MEGF8: variants seen among roughly 807,000 people sequenced by gnomAD.
MEGF8 encodes the protein multiple epidermal growth factor-like domains protein 8.
Under a neutral mutation model 302.9 loss-of-function variants are expected in MEGF8, and 156 were observed. The ratio of observed to expected loss-of-function variants is 0.52; its 90% CI spans 0.45 to 0.59. The LOEUF is 0.59. Ranked by LOEUF, MEGF8 falls within the 20% of genes least tolerant of loss-of-function variation. MEGF8 has a pLI of 0.00. For synonymous variants in MEGF8, 1,621 were observed against 1,660.5 expected (o/e 0.98, Z 0.58); for missense variants, 3,345 against 3,964.5 (o/e 0.84, Z 4.20).
Position 42,335,391 on chromosome 19 carries a change from G to C in MEGF8, c.828+6G>C. The C allele has an allele frequency of 2.5e-6, 4 of 1,613,686 alleles. No homozygotes were observed. Among genetic ancestry groups the C allele is most frequent in the Non-Finnish European group, 2.5e-6 (3 of 1,179,648 alleles). On this transcript the variant is annotated splice_donor_region_variant and intron_variant, in intron 5 of 41. Transcript: ENST00000251268. ...GGGACCTGAGTCCTGCCCCGGTATG[G>C]ACCCCTCCTCTGCCCTGGAGGAGCC...
intron 41 of MEGF8, among the ~76,000 whole-genome samples, chr19:42,372,223 C>A (rs921518160): frequency 2.0e-5 from 3 of 152,332 alleles, no homozygotes; most frequent in Non-Finnish European, 4.4e-5. Context: ...ACTCTGCTTT[C>A]CTCTGCATTG....
rs1341047940 is a variant in MEGF8 at position 42,355,985 on chromosome 19, G to A, written c.4372G>A (p.Gly1458Arg). Residue 1458 changes from glycine to arginine, a missense_variant, in exon 24 of 42, where the codon GGG becomes AGG. Gly to Arg is a moderately radical substitution (Grantham distance 125). Transcript: ENST00000251268. ...TCCTGAGAACTGCAATGCCCACACT[G>A]GGGCAGGAACTTGTAACCAGGTACA... ...LCPENCNAHTGAGTCNQSLGV... is the reference protein window; with the variant it reads ...LCPENCNAHTRAGTCNQSLGV... The A allele has an allele frequency of 6.2e-7, 1 of 1,611,952 alleles. No individual in the cohort carries two copies. Among genetic ancestry groups the A allele is most frequent in the Non-Finnish European group, 8.5e-7 (1 of 1,178,988 alleles).
At chr19:42,341,762 T>C (rs996587621) in intron 8 of MEGF8, among the ~76,000 whole-genome samples, 2 of 152,160 alleles carry the variant, frequency 1.3e-5, no homozygotes, top group Non-Finnish European at 2.9e-5. Context: ...GTCTTTCTTA[T>C]AGCAGTTAGG....
Position 42,356,502 on chromosome 19 carries a change from C to A in MEGF8, c.4622+49C>A. On this transcript the variant is annotated intron_variant, in intron 26 of 41. Coordinates refer to ENST00000251268, the MANE Select transcript of MEGF8 (RefSeq NM_001271938.2). This position sits in a 1 kb window ranked among gnomAD's most constrained non-coding sequence, Gnocchi z 5.2. ...GGATTCGCAAATAAGAGAAGGTCAC[C>A]TCGGGATGCTAAGAGTCACCTCAGA... 1.4e-6 allele frequency: 2 copies of A among 1,413,506 alleles called. No individual in the cohort carries two copies. The highest frequency in any genetic ancestry group is 4.8e-5 in the East Asian group (2 of 41,952). The allele number at this position is 1,413,506 out of a possible 1,614,324, so 87.6% of individuals were successfully genotyped here. A position where few individuals can be genotyped will look rare whatever the true frequency, so the allele number is the denominator to read the frequency against.
In MEGF8 at chr19:42,335,904, C is replaced by T. The variant is rs1450479854; in HGVS notation, c.829-27C>T. On this transcript the variant is annotated intron_variant, in intron 5 of 41. Coordinates refer to ENST00000251268, the MANE Select transcript of MEGF8 (RefSeq NM_001271938.2). ...CTCTGGCTCTCTTGCTGTGTCTCTA[C>T]CTCTGTCTCTTTTCTCTTCCTCACA... The T allele has an allele frequency of 2.8e-6, 4 of 1,449,344 alleles. No individual in the cohort carries two copies. The East Asian group carries it at 7.5e-5, about 27-fold the overall frequency. The allele number at this position is 1,449,344 out of a possible 1,614,324, so 89.8% of individuals were successfully genotyped here.
At position 42,376,117 on chromosome 19, in the gene MEGF8, C is replaced by T. The variant is rs746788380; in HGVS notation, c.7880C>T (p.Ala2627Val). ...GTGGGAGACCCAAGTGGGCCCGGCG[C>T]CAACGGCTCAGCCGACTCGCAGGGC... ...LGVGDPSGPG[A>V]NGSADSQGLL... The change falls in exon 42 of 42, where the codon GCC (alanine) becomes GTC (valine). Residue 2627 changes from alanine to valine, a missense_variant. Coordinates refer to ENST00000251268, the MANE Select transcript of MEGF8 (RefSeq NM_001271938.2). The surrounding 1 kb of genome is among the most constrained non-coding windows in gnomAD (Gnocchi z 8.2). 5.6e-6 allele frequency: 9 copies of T among 1,607,526 alleles called. No individual in the cohort carries two copies. In the South Asian group the frequency reaches 8.8e-5, roughly 16 times the overall value.
At position 42,354,778 on chromosome 19, in the gene MEGF8, T is replaced by C; in HGVS notation, c.4144+58T>C. 2.0e-6 allele frequency: 3 copies of C among 1,528,784 alleles called. No individual in the cohort carries two copies. The highest frequency in any genetic ancestry group is 2.4e-5 in the South Asian group (2 of 81,784). 94.7% of individuals were successfully genotyped at this position (1,528,784 alleles called of 1,614,324 possible). A position where few individuals can be genotyped will look rare whatever the true frequency, so the allele number is the denominator to read the frequency against. On this transcript the variant is annotated intron_variant, in intron 23 of 41. Coordinates refer to ENST00000251268, the MANE Select transcript of MEGF8 (RefSeq NM_001271938.2). This position sits in a 1 kb window ranked among gnomAD's most constrained non-coding sequence, Gnocchi z 4.3. Reference sequence around the variant, plus strand: ...TCCTGGGCTATGTATCCCTTGCCCCTGAACTCACCACCTGAAGTGGGCTCA... The same window carrying C: ...TCCTGGGCTATGTATCCCTTGCCCCCGAACTCACCACCTGAAGTGGGCTCA...
In MEGF8 at chr19:42,362,149, G is replaced by A. The variant is rs559115816; in HGVS notation, c.5780G>A (p.Arg1927His). 24 of 1,611,848 alleles carry A rather than the reference G, an allele frequency of 1.5e-5. No individual in the cohort carries two copies. The highest frequency in any genetic ancestry group is 6.7e-5 in the East Asian group (3 of 44,834). Residue 1927 changes from arginine (R) to histidine (H), a missense_variant, in exon 33 of 42, where the codon CGT (arginine) becomes CAT (histidine). By Grantham distance (29) the Arg-to-His change is conservative. Transcript: ENST00000251268. ...CCTCGCTCCCCGGAGGAATGTCGAC[G>A]TCTCCGGACCTGCAGTGAGTGCCTG... The part of the protein sequence containing the change: ...PMPRSPEECR[R>H]LRTCSECLAR...
rs779996043 is a variant in MEGF8, at chr19:42,357,491, T to C, written c.4918T>C (p.Ser1640Pro). 6.2e-7 allele frequency: 1 copy of C among 1,613,672 alleles called. No homozygotes were observed. Among genetic ancestry groups the C allele is most frequent in the Non-Finnish European group, 8.5e-7 (1 of 1,179,776 alleles). ...GLSLLLVGGY[S>P]PENGFNQQLL... ...GTCTCTGCTCCTGGTGGGCGGTTAC[T>C]CCCCGGAAAATGGCTTCAACCAGCA... is the stretch of plus-strand genomic sequence containing the variant. Residue 1640 changes from serine to proline, a missense_variant, in exon 28 of 42, where the codon TCC becomes CCC. Physicochemically the swap from Ser to Pro is moderately conservative, Grantham distance 74 (BLOSUM62 -1). Transcript: ENST00000251268. The surrounding 1 kb of genome is among the most constrained non-coding windows in gnomAD (Gnocchi z 5.2).
Position 42,354,095 on chromosome 19 carries a change from C to G in MEGF8, c.4011+71C>G. ...TGTCCCCTGACCCAGCCTGCATCCTCAGACCCTGACCCTAGTATTGCTGTT... is the reference window on the plus strand; with the variant it reads ...TGTCCCCTGACCCAGCCTGCATCCTGAGACCCTGACCCTAGTATTGCTGTT... On this transcript the variant is annotated intron_variant, in intron 22 of 41. Coordinates refer to ENST00000251268, the MANE Select transcript of MEGF8 (RefSeq NM_001271938.2). This position sits in a 1 kb window ranked among gnomAD's most constrained non-coding sequence, Gnocchi z 4.3. The G allele has an allele frequency of 6.7e-7, 1 of 1,486,520 alleles. No individual in the cohort carries two copies. Among genetic ancestry groups the G allele is most frequent in the East Asian group, 2.5e-5 (1 of 40,610 alleles). 92.1% of individuals were successfully genotyped at this position (1,486,520 alleles called of 1,614,324 possible). A position where few individuals can be genotyped will look rare whatever the true frequency, so the allele number is the denominator to read the frequency against.
At position 42,349,739 on chromosome 19, in the gene MEGF8, C is replaced by T. The variant is rs764940315; in HGVS notation, c.2499+40C>T. 10 of 1,589,316 alleles carry T rather than the reference C, an allele frequency of 6.3e-6. No individual in the cohort carries two copies. The African/African-American group carries it at 6.7e-5, about 11-fold the overall frequency. On this transcript the variant is annotated intron_variant, in intron 14 of 41. Coordinates refer to ENST00000251268, the MANE Select transcript of MEGF8 (RefSeq NM_001271938.2). ...CCTACCTCCAACCCTAGCCGCAGGC[C>T]CCAGCCTCAGATCACCTGGGCTTTC...
At chr19:42,339,393 T>C (rs2039181209) in intron 8 of MEGF8, among the ~76,000 whole-genome samples, 1 of 152,220 alleles carries the variant, frequency 6.6e-6, no homozygotes, top group African/African-American at 2.4e-5. Context: ...TTTTTGACTT[T>C]TTGATAATAG....
chr19:42,371,623 C>A, intron 41 of MEGF8, 141 bp downstream of exon 41: 1 of 1,196,932 alleles, frequency 8.4e-7, no homozygotes, highest in Non-Finnish European at 1.2e-6. Flanking sequence ...GCTTGACAGA[C>A]TGTTCCTGAG....
At chr19:42,373,804 C>T (rs771986158) in intron 41 of MEGF8, among the ~76,000 whole-genome samples, 1 of 150,662 alleles carries the variant, frequency 6.6e-6, no homozygotes, top group Non-Finnish European at 1.5e-5. Context: ...CCTTGAACTC[C>T]TGAGCTCAAG....
chr19:42,371,757 C>T (rs142168826), intron 41 of MEGF8, among the ~76,000 whole-genome samples: 4 of 152,168 alleles, frequency 2.6e-5, no homozygotes, highest in Non-Finnish European at 5.9e-5. Flanking sequence ...GTGGCACATG[C>T]CAGAAAATCT....
In MEGF8 at chr19:42,354,641, T is replaced by C. The variant is rs61995685; in HGVS notation, c.4065T>C (p.Val1355=). The part of the protein sequence containing the change: ...DGFPRFLDTG[V]VQSDRSLIAA... Reference sequence around the variant, plus strand: ...TCCCACGCTTCCTGGACACTGGTGTTGTCCAGTCGGACCGCAGCCTCATAG... The same window carrying C: ...TCCCACGCTTCCTGGACACTGGTGTCGTCCAGTCGGACCGCAGCCTCATAG... The change falls in exon 23 of 42, where the codon GTT becomes GTC. Residue 1355 remains valine, a synonymous_variant. Transcript: ENST00000251268. The surrounding 1 kb of genome is among the most constrained non-coding windows in gnomAD (Gnocchi z 4.3). 94,461 of 1,612,914 alleles carry C rather than the reference T, an allele frequency of 0.059. 3,736 individuals are homozygous for C. The highest frequency in any genetic ancestry group is 0.17 in the Middle Eastern group (1,021 of 6,058).
chr19:42,364,950 A>G (rs2039583112), intron 35 of MEGF8, among the ~76,000 whole-genome samples: 2 of 152,240 alleles, frequency 1.3e-5, no homozygotes, highest in African/African-American at 4.8e-5. Flanking sequence ...TGTAATGAGC[A>G]GTGGTGAGAG....
Position 42,355,866 on chromosome 19 carries a change from C to T in MEGF8, c.4253C>T (p.Pro1418Leu). 1 of 1,571,590 alleles carries T rather than the reference C, an allele frequency of 6.4e-7. No individual in the cohort carries two copies. Among genetic ancestry groups the T allele is most frequent in the Non-Finnish European group, 8.6e-7 (1 of 1,158,708 alleles). Residue 1418 changes from proline to leucine, a missense_variant, in exon 24 of 42, where the codon CCC (proline) becomes CTC (leucine). Coordinates refer to ENST00000251268, the MANE Select transcript of MEGF8 (RefSeq NM_001271938.2). ...GSGGPGSCPV[P>L]QECVPQDGAA... ...GGGGGCCCCGGGAGCTGTCCCGTCC[C>T]CCAGGAATGCGTGCCCCAGGACGGT...
intron 1 of MEGF8, among the ~76,000 whole-genome samples, chr19:42,329,436 G>A (rs1388796610): frequency 1.3e-5 from 2 of 152,116 alleles, no homozygotes; most frequent in Non-Finnish European, 2.9e-5. Flanking sequence ...AAGACTTGGG[G>A]ACCAACTGGG....
Sources: allele counts gnomAD v4.1 joint callset (sites outside exome capture counted in the v4.1 genomes callset), GRCh38; gene constraint gnomAD v4.1.1; non-coding constraint Gnocchi (gnomAD v3.1); transcripts MANE v1.5; gene names NCBI Gene and HGNC (gene_info 2026-07-23, HGNC 2026-07-21).